TRIM8: variants seen among roughly 807,000 people sequenced by gnomAD.
The protein encoded by TRIM8 is tripartite motif containing 8, also known as E3 ubiquitin-protein ligase TRIM8.
A neutral mutation model predicts 55.7 loss-of-function variants in TRIM8; 9 were observed. That is an observed-to-expected ratio of 0.16 (90% CI 0.10 to 0.28). TRIM8 has a LOEUF of 0.28. Ranked by LOEUF, TRIM8 falls within the 10% of genes least tolerant of loss-of-function variation. The pLI is 1.00. For missense variants in TRIM8, 556 were observed against 736.4 expected, an observed-to-expected ratio of 0.76 and a Z score of 2.83; for synonymous variants, 335 against 333.3, an observed-to-expected ratio of 1.01 and a Z score of -0.06.
At chr10:102,645,567 G>A (rs1396866694) in intron 1 of TRIM8, 1 of 190,516 alleles carries the variant, frequency 5.2e-6, no homozygotes. Context: ...TCCAGCTGCT[G>A]TTTATGTAAT....
rs368148290 is a variant in TRIM8, at chr10:102,652,833, C to T, written c.571-1820C>T. Among the ~76,000 whole-genome samples the T allele has an allele frequency of 7.5e-5, 11 of 146,902 alleles. No individual in the cohort carries two copies. The East Asian group carries it at 2.0e-3, about 27-fold the overall frequency. On this transcript the variant is annotated intron_variant, in intron 1 of 5. Coordinates refer to ENST00000643721, the MANE Select transcript of TRIM8 (RefSeq NM_030912.3). Reference sequence around the variant, plus strand: ...TTTTTTTTTTTTTGAGACAGACTTTCGCTCTTGTTGCCCAGGCTGGAGTGC... The same window carrying T: ...TTTTTTTTTTTTTGAGACAGACTTTTGCTCTTGTTGCCCAGGCTGGAGTGC...
rs777852686 is a variant in TRIM8, at chr10:102,657,195, G to C, written c.1497G>C (p.Ser499=). 11 of 1,613,714 alleles carry C rather than the reference G, an allele frequency of 6.8e-6. No individual in the cohort carries two copies. The East Asian group carries it at 8.9e-5, about 13-fold the overall frequency. The change falls in exon 6 of 6, where the codon TCG becomes TCC. Residue 499 remains serine (S), a synonymous_variant. Transcript: ENST00000643721. ...RSGHFPWTVP[S]QEYSHPLPPT... is the part of the protein sequence containing the mutation. ...GCCACTTTCCCTGGACAGTGCCCTC[G>C]CAGGAGTACTCACACCCGCTCCCGC... is the stretch of plus-strand genomic sequence containing the variant.
Position 102,654,736 on chromosome 10 carries a change from G to C in TRIM8, c.654G>C (p.Lys218Asn). ...EDQLYKLESD[K>N]RLVEEKVNQL... ...AGCTGTACAAACTCGAGTCAGACAAGCGCCTGGTGGAGGTAGCTAAGCCCA... is the reference window on the plus strand; with the variant it reads ...AGCTGTACAAACTCGAGTCAGACAACCGCCTGGTGGAGGTAGCTAAGCCCA... The change falls in exon 2 of 6, where the codon AAG becomes AAC. Residue 218 changes from lysine (K) to asparagine (N), a missense_variant. By Grantham distance (94) the Lys-to-Asn change is moderately conservative. Around this residue, in one of 2 missense-constraint regions of TRIM8, gnomAD observed 391 missense variants for 441.0 expected, o/e 0.89. Transcript: ENST00000643721. 6.2e-7 allele frequency: 1 copy of C among 1,614,070 alleles called. No homozygotes were observed. Among genetic ancestry groups the C allele is most frequent in the Non-Finnish European group, 8.5e-7 (1 of 1,179,860 alleles).
At chr10:102,652,021 G>A (rs1402590258) in intron 1 of TRIM8, among the ~76,000 whole-genome samples, 2 of 152,176 alleles carry the variant, frequency 1.3e-5, no homozygotes, top group Non-Finnish European at 2.9e-5. Context: ...GTGTGCTGTC[G>A]GGCTCTGACC....
In TRIM8 at chr10:102,656,194, A is replaced by G. The variant is rs926513026; in HGVS notation, c.932+57A>G. ...ACATCCTGGGGAGGGCAGGGGGGCC[A>G]GGCCCATGGCGGGGAGGTAGGGCGG... On this transcript the variant is annotated intron_variant, in intron 4 of 5. Transcript: ENST00000643721. The surrounding 1 kb of genome is among the most constrained non-coding windows in gnomAD (Gnocchi z 4.6). The G allele has an allele frequency of 6.2e-7, 1 of 1,614,010 alleles. No homozygotes were observed. Among genetic ancestry groups the G allele is most frequent in the African/African-American group, 1.3e-5 (1 of 74,922 alleles).
rs887858487 is a variant in TRIM8 at position 102,645,026 on chromosome 10, G to A, written c.409G>A (p.Ala137Thr). Residue 137 changes from alanine to threonine, a missense_variant, in exon 1 of 6, where the codon GCG (alanine) becomes ACG (threonine). Physicochemically the swap from Ala to Thr is moderately conservative, Grantham distance 58 (BLOSUM62 0). Around this residue, in one of 2 missense-constraint regions of TRIM8, gnomAD observed 165 missense variants for 295.3 expected, o/e 0.56. Transcript: ENST00000643721. ...STARGHLLVE[A>T]DDVRAWSCPQ... ...CGCCCGCGGGCACCTCCTGGTGGAGGCGGACGACGTGCGGGCCTGGAGCTG... is the reference window on the plus strand; with the variant it reads ...CGCCCGCGGGCACCTCCTGGTGGAGACGGACGACGTGCGGGCCTGGAGCTG... 6 of 1,594,214 alleles carry A rather than the reference G, an allele frequency of 3.8e-6. No homozygotes were observed. Among genetic ancestry groups the A allele is most frequent in the Non-Finnish European group, 5.1e-6 (6 of 1,176,262 alleles).
At position 102,648,416 on chromosome 10, in the gene TRIM8, C is replaced by T. The variant is rs117518132; in HGVS notation, c.570+3229C>T. 3.3e-5 allele frequency among the ~76,000 whole-genome samples: 5 copies of T among 152,302 alleles called. No individual in the cohort carries two copies. The East Asian group carries it at 9.7e-4, about 29-fold the overall frequency. ...AGTTACGGTTGTGTTTCTGCATCGT[C>T]CCTGGTGTCCCAGAGCAAGGCCAGA... On this transcript the variant is annotated intron_variant, in intron 1 of 5. Transcript: ENST00000643721.
At chr10:102,648,502 T>TG (rs979415087) in intron 1 of TRIM8, among the ~76,000 whole-genome samples, 2 of 152,150 alleles carry the variant, frequency 1.3e-5, no homozygotes, top group African/African-American at 4.8e-5. Context: ...AGAGGTTCTC[T>TG]GGGGGAGGAG....
At chr10:102,649,033 G>GGTGTGT (rs58956109) in intron 1 of TRIM8, among the ~76,000 whole-genome samples, 13,402 of 151,118 alleles carry the variant, frequency 0.089, 759 homozygotes, top group East Asian at 0.14. Flanking sequence ...TCTGTCTGCA[G>GGTGTGT]GTGTGTGTGT....
intron 1 of TRIM8, among the ~76,000 whole-genome samples, chr10:102,647,052 G>A (rs1004569792): frequency 1.3e-5 from 2 of 152,202 alleles, no homozygotes; most frequent in Non-Finnish European, 2.9e-5. Flanking sequence ...TGTGTGCTTC[G>A]CCCTCCAATG....
rs760347036 is a variant in TRIM8 at position 102,657,699 on chromosome 10, C to G, written c.*345C>G. 4.0e-5 allele frequency: 8 copies of G among 202,338 alleles called. No individual in the cohort carries two copies. The highest frequency in any genetic ancestry group is 6.0e-5 in the Non-Finnish European group (6 of 100,696). The allele number at this position is 202,338 out of a possible 1,614,324, so 12.5% of individuals were successfully genotyped here. ...TTCACACCCCCGTGGCTGGAAGGAA[C>G]CTCGGCTTCCCTGAAAGCTTGGGGG... On this transcript the variant is annotated 3_prime_UTR_variant, in exon 6 of 6. Coordinates refer to ENST00000643721, the MANE Select transcript of TRIM8 (RefSeq NM_030912.3).
In TRIM8 at chr10:102,656,615, G is replaced by A. The variant is rs1419921548; in HGVS notation, c.1049-132G>A. On this transcript the variant is annotated intron_variant, in intron 5 of 5. Coordinates refer to ENST00000643721, the MANE Select transcript of TRIM8 (RefSeq NM_030912.3). This position sits in a 1 kb window ranked among gnomAD's most constrained non-coding sequence, Gnocchi z 4.6. ...TATTCTGTACCTCCTAATGGTAGAG[G>A]AGCAAGCATCACCTGAGATGTAACA... 2.8e-6 allele frequency: 4 copies of A among 1,407,086 alleles called. No homozygotes were observed. The highest frequency in any genetic ancestry group is 3.8e-6 in the Non-Finnish European group (4 of 1,043,874). The allele number at this position is 1,407,086 out of a possible 1,614,324, so 87.2% of individuals were successfully genotyped here. A position where few individuals can be genotyped will look rare whatever the true frequency, so the allele number is the denominator to read the frequency against.
chr10:102,650,951 TCTTC>T (rs2063979675), intron 1 of TRIM8, among the ~76,000 whole-genome samples: 1 of 152,118 alleles, frequency 6.6e-6, no homozygotes, highest in African/African-American at 2.4e-5. Flanking sequence ...GTATTTCCCA[TCTTC>T]CTTCCAGTTT....
In TRIM8 at chr10:102,644,569, G is replaced by A. The variant is rs2063917651; in HGVS notation, c.-49G>A. 6.4e-7 allele frequency: 1 copy of A among 1,574,170 alleles called. No homozygotes were observed. The highest frequency in any genetic ancestry group is 8.6e-7 in the Non-Finnish European group (1 of 1,158,704). On this transcript the variant is annotated 5_prime_UTR_variant, in exon 1 of 6. Transcript: ENST00000643721. Reference sequence around the variant, plus strand: ...TACAGCGGCTCCGGACGGACCCCCGGGGCTGGGGAGTCGGGGAGGCCTGCC... The same window carrying A: ...TACAGCGGCTCCGGACGGACCCCCGAGGCTGGGGAGTCGGGGAGGCCTGCC...
intron 1 of TRIM8, among the ~76,000 whole-genome samples, chr10:102,646,626 C>A (rs2063937764): frequency 6.6e-6 from 1 of 152,186 alleles, no homozygotes; most frequent in Non-Finnish European, 1.5e-5. Flanking sequence ...CAGGATAGGC[C>A]TCTGGTTTCT....
chr10:102,646,746 G>T (rs1010958689), intron 1 of TRIM8, among the ~76,000 whole-genome samples: 4 of 152,174 alleles, frequency 2.6e-5, no homozygotes, highest in Non-Finnish European at 5.9e-5. Context: ...AAGATGGAAG[G>T]GCTGGGGGAG....
At chr10:102,647,377 C>T (rs2063945562) in intron 1 of TRIM8, among the ~76,000 whole-genome samples, 1 of 152,224 alleles carries the variant, frequency 6.6e-6, no homozygotes, top group African/African-American at 2.4e-5. Flanking sequence ...CAGCCTGAGC[C>T]TCATCCTTCT....
chr10:102,657,211 C>T lies in TRIM8; in HGVS notation c.1513C>T (p.Pro505Ser). The T allele has an allele frequency of 6.2e-7, 1 of 1,613,970 alleles. No individual in the cohort carries two copies. Among genetic ancestry groups the T allele is most frequent in the Non-Finnish European group, 8.5e-7 (1 of 1,179,956 alleles). ...AGTGCCCTCGCAGGAGTACTCACACCCGCTCCCGCCCACACCCTCCGTCCC... is the reference window on the plus strand; with the variant it reads ...AGTGCCCTCGCAGGAGTACTCACACTCGCTCCCGCCCACACCCTCCGTCCC... Reference protein sequence around the residue: ...WTVPSQEYSHPLPPTPSVPQS... With the variant: ...WTVPSQEYSHSLPPTPSVPQS... The change falls in exon 6 of 6, where the codon CCG (proline) becomes TCG (serine). Residue 505 changes from proline to serine, a missense_variant. Pro to Ser is a moderately conservative substitution (Grantham distance 74). Around this residue, in one of 2 missense-constraint regions of TRIM8, gnomAD observed 391 missense variants for 441.0 expected, o/e 0.89. Transcript: ENST00000643721.
At chr10:102,645,211 G>GCACACACA (rs754322583) in intron 1 of TRIM8, 24 bp downstream of exon 1, 3 of 1,408,456 alleles carry the variant, frequency 2.1e-6, no homozygotes, top group African/African-American at 2.9e-5. Context: ...GCGCGCGCGC[G>GCACACACA]CACACACACA....
Sources: allele counts gnomAD v4.1 joint callset (sites outside exome capture counted in the v4.1 genomes callset), GRCh38; gene constraint gnomAD v4.1.1; regional missense constraint gnomAD v4.1.1; non-coding constraint Gnocchi (gnomAD v3.1); transcripts MANE v1.5; gene names NCBI Gene and HGNC (gene_info 2026-07-23, HGNC 2026-07-21).